GPC5: variants seen among roughly 807,000 people sequenced by gnomAD.
The protein encoded by GPC5 is glypican 5, also known as glypican-5.
GPC5 carries 47 observed loss-of-function variants against 53.9 expected under a neutral mutation model. The ratio of observed to expected loss-of-function variants is 0.87; its 90% CI spans 0.69 to 1.11. The LOEUF (loss-of-function observed/expected upper bound fraction) is 1.11, where lower values mean the gene tolerates loss of function less well. GPC5 is among the 50% of genes most tolerant of loss of function. GPC5 has a pLI of 0.00. For synonymous variants in GPC5, 286 were observed against 263.3 expected (o/e 1.09, Z -0.84); for missense variants, 748 against 713.1 (o/e 1.05, Z -0.56).
chr13:92,692,077 T>A (rs1251104164), intron 7 of GPC5, among the ~76,000 whole-genome samples: 2 of 152,142 alleles, frequency 1.3e-5, no homozygotes, highest in African/African-American at 2.4e-5. Flanking sequence ...CACCTTTATA[T>A]CCATGTGTAC....
intron 7 of GPC5, among the ~76,000 whole-genome samples, chr13:92,197,006 G>A (rs901255648): frequency 1.3e-5 from 2 of 152,276 alleles, no homozygotes; most frequent in South Asian, 4.2e-4. Context: ...AATATGAATC[G>A]TGCAACAAAA....
chr13:91,662,445 T>C lies in GPC5; in HGVS notation c.326-30742T>C, dbSNP rs565397581. Reference sequence around the variant, plus strand: ...TGATAAAAGTCAGTTTTATAGAGAATTGGAAAGAGAATTGGAGAGAATGAT... The same window carrying C: ...TGATAAAAGTCAGTTTTATAGAGAACTGGAAAGAGAATTGGAGAGAATGAT... On this transcript the variant is annotated intron_variant, in intron 2 of 7. Transcript: ENST00000377067. Among the ~76,000 whole-genome samples, 9 of 152,194 alleles carry C rather than the reference T, an allele frequency of 5.9e-5. No individual in the cohort carries two copies. The East Asian group carries it at 1.7e-3, about 29-fold the overall frequency.
chr13:92,606,063 C>A (rs1884246737), intron 7 of GPC5, among the ~76,000 whole-genome samples: 1 of 151,934 alleles, frequency 6.6e-6, no homozygotes, highest in Non-Finnish European at 1.5e-5. Context: ...TTGGACCAAC[C>A]ATTACTCTTT....
At chr13:91,828,171 T>A (rs1467520481) in intron 5 of GPC5, among the ~76,000 whole-genome samples, 2 of 151,990 alleles carry the variant, frequency 1.3e-5, no homozygotes, top group East Asian at 3.9e-4. Flanking sequence ...AAAGATAACT[T>A]TCTCAGATTA....
chr13:91,662,573 C>CTT (rs1322689892), intron 2 of GPC5, among the ~76,000 whole-genome samples: 4 of 152,178 alleles, frequency 2.6e-5, no homozygotes, highest in African/African-American at 9.7e-5. Flanking sequence ...TAATAAATCT[C>CTT]TTAACTGGTG....
At chr13:91,998,881 A>G (rs1195800386) in intron 6 of GPC5, among the ~76,000 whole-genome samples, 2 of 152,222 alleles carry the variant, frequency 1.3e-5, no homozygotes, top group African/African-American at 4.8e-5. Context: ...ACTGAGTTAT[A>G]TGACTGAACT....
chr13:92,663,099 C>G (rs904081230), intron 7 of GPC5, among the ~76,000 whole-genome samples: 1 of 152,084 alleles, frequency 6.6e-6, no homozygotes, highest in African/African-American at 2.4e-5. Context: ...GTGGGATTTG[C>G]AAAGTCCTGT....
chr13:91,612,274 A>G (rs1476659922), intron 2 of GPC5, among the ~76,000 whole-genome samples: 1 of 152,190 alleles, frequency 6.6e-6, no homozygotes, highest in Non-Finnish European at 1.5e-5. Context: ...CTAATCTCTT[A>G]TATATACTCT....
intron 2 of GPC5, among the ~76,000 whole-genome samples, chr13:91,649,615 A>G (rs1594379079): frequency 6.6e-6 from 1 of 152,186 alleles, no homozygotes; most frequent in East Asian, 1.9e-4. Flanking sequence ...TATATTTGCA[A>G]TCCCAGTGTG....
chr13:92,561,660 A>G (rs1882698485), intron 7 of GPC5, among the ~76,000 whole-genome samples: 2 of 152,028 alleles, frequency 1.3e-5, no homozygotes, highest in South Asian at 4.1e-4. Flanking sequence ...ATTAGTACCA[A>G]CCAAGCTTTT....
chr13:92,618,211 T>A (rs1291115724), intron 7 of GPC5, among the ~76,000 whole-genome samples: 1 of 152,168 alleles, frequency 6.6e-6, no homozygotes. Context: ...TTTGCACAGA[T>A]GACTCTGTAA....
At chr13:92,464,064 G>C (rs1878597231) in intron 7 of GPC5, among the ~76,000 whole-genome samples, 1 of 152,208 alleles carries the variant, frequency 6.6e-6, no homozygotes, top group South Asian at 2.1e-4. Context: ...GAGGGAAGCA[G>C]TGGTGTCATC....
intron 7 of GPC5, among the ~76,000 whole-genome samples, chr13:92,412,780 C>G (rs1421490977): frequency 6.6e-6 from 1 of 152,114 alleles, no homozygotes; most frequent in Non-Finnish European, 1.5e-5. Flanking sequence ...AATACTTTAC[C>G]TCTCTACTGA....
intron 7 of GPC5, among the ~76,000 whole-genome samples, chr13:92,163,547 A>C (rs1252748449): frequency 1.3e-5 from 2 of 151,572 alleles, no homozygotes; most frequent in Non-Finnish European, 2.9e-5. Flanking sequence ...TGAGTATTCT[A>C]TTTCCCCAAC....
At chr13:92,382,942 G>T (rs2043761877) in intron 7 of GPC5, among the ~76,000 whole-genome samples, 1 of 147,040 alleles carries the variant, frequency 6.8e-6, no homozygotes, top group African/African-American at 2.5e-5. Context: ...GGCGGAGCTT[G>T]CAGTGAGCCG....
chr13:92,221,543 C>T (rs750982382), intron 7 of GPC5, among the ~76,000 whole-genome samples: 2 of 152,128 alleles, frequency 1.3e-5, no homozygotes, highest in South Asian at 2.1e-4. Context: ...ACATGGGCCA[C>T]TTCCTCTCCC....
chr13:91,721,292 G>T, intron 3 of GPC5, among the ~76,000 whole-genome samples: 1 of 151,950 alleles, frequency 6.6e-6, no homozygotes, highest in East Asian at 1.9e-4. Flanking sequence ...CTGCCACCAT[G>T]CCTGGCTAAT....
At chr13:92,581,292 A>T (rs1487381247) in intron 7 of GPC5, among the ~76,000 whole-genome samples, 1 of 151,802 alleles carries the variant, frequency 6.6e-6, no homozygotes, top group Non-Finnish European at 1.5e-5. Context: ...ACTCTTTTAT[A>T]CTCTGCATGT....
intron 2 of GPC5, among the ~76,000 whole-genome samples, chr13:91,648,319 A>T (rs938007673): frequency 6.6e-6 from 1 of 152,142 alleles, no homozygotes; most frequent in Non-Finnish European, 1.5e-5. Context: ...TCTTTCCATG[A>T]AAAGCAAAAT....
Sources: gnomAD v4.1 joint callset for allele counts (sites outside exome capture counted in the v4.1 genomes callset) on GRCh38, gnomAD v4.1.1 for gene constraint, MANE v1.5 for transcripts, NCBI Gene and HGNC (gene_info 2026-07-23, HGNC 2026-07-21) for gene names.